KLRG1: variants seen among roughly 807,000 people sequenced by gnomAD.
KLRG1 encodes killer cell lectin like receptor G1.
Under a neutral mutation model 21.8 loss-of-function variants are expected in KLRG1, and 16 were observed. The observed-to-expected ratio is 0.73, with a 90% CI of 0.50 to 1.11. The LOEUF (loss-of-function observed/expected upper bound fraction) is 1.11, where lower values mean the gene tolerates loss of function less well. Among genes scored for constraint, KLRG1 ranks in the 50% most tolerant of loss-of-function variants. The probability of loss-of-function intolerance (pLI) is 0.00; values close to 1 mark genes in which losing one functional copy is unlikely to be tolerated. For synonymous variants in KLRG1, 69 were observed against 75.9 expected (o/e 0.91, Z 0.47); for missense variants, 173 against 218.3 (o/e 0.79, Z 1.31).
chr12:9,151,654 C>G, the KLRG1 span: 18 of 1,613,652 alleles, frequency 1.1e-5, no homozygotes, highest in African/African-American at 2.4e-4. Context: ...GTCCGGCTCA[C>G]AGAGCTAGAT....
chr12:8,963,224 A>T (rs764968355), intron 1 of KLRG1, among the ~76,000 whole-genome samples: 1 of 152,230 alleles, frequency 6.6e-6, no homozygotes, highest in Non-Finnish European at 1.5e-5. Context: ...TAACATGAAC[A>T]CATGCTGAGA....
chr12:9,105,050 G>T, the KLRG1 span, among the ~76,000 whole-genome samples: 2 of 152,144 alleles, frequency 1.3e-5, no homozygotes, highest in African/African-American at 4.8e-5. Context: ...TTGAAAAGAG[G>T]CACACAGTAT....
chr12:9,211,326 A>G, the KLRG1 span, among the ~76,000 whole-genome samples: 1 of 151,708 alleles, frequency 6.6e-6, no homozygotes, highest in East Asian at 1.9e-4. Context: ...TTAATTAACT[A>G]TTTACATGAC....
chr12:9,109,536 A>G, the KLRG1 span: 3 of 696,544 alleles, frequency 4.3e-6, no homozygotes, highest in South Asian at 1.8e-5. Context: ...TCTCCAATCT[A>G]TTCTTATCTA....
At chr12:8,970,139 A>G (rs1439661213) in intron 1 of KLRG1, among the ~76,000 whole-genome samples, 1 of 152,140 alleles carries the variant, frequency 6.6e-6, no homozygotes, top group African/African-American at 2.4e-5. Context: ...AAACAAAGCA[A>G]AACAACCACG....
At chr12:9,044,023 T>A in the KLRG1 span, among the ~76,000 whole-genome samples, 4 of 152,188 alleles carry the variant, frequency 2.6e-5, no homozygotes, top group East Asian at 7.7e-4. Context: ...GGCAAGACCA[T>A]GAGAAAAATC....
At chr12:9,135,663 G>A in the KLRG1 span, 2 of 206,912 alleles carry the variant, frequency 9.7e-6, no homozygotes, top group East Asian at 3.0e-4. Context: ...TATTGGGGAT[G>A]GATTATGGAA....
chr12:9,102,438 T>A, the KLRG1 span, among the ~76,000 whole-genome samples: 85,141 of 151,896 alleles, frequency 0.56, 25,478 homozygotes, highest in African/African-American at 0.76. Context: ...CTCGTCTCGA[T>A]CTCCTGGCCT....
chr12:9,044,624 C>A, the KLRG1 span, among the ~76,000 whole-genome samples: 2 of 151,832 alleles, frequency 1.3e-5, no homozygotes, highest in African/African-American at 4.8e-5. Context: ...CCGAGATCAC[C>A]CTATTGCACT....
the KLRG1 span, chr12:9,106,634 A>G: frequency 8.6e-7 from 1 of 1,165,602 alleles, no homozygotes; most frequent in Admixed American, 2.0e-5. Flanking sequence ...AAATACAAAA[A>G]TATAATGCAT....
the KLRG1 span, among the ~76,000 whole-genome samples, chr12:9,199,630 T>A: frequency 6.6e-6 from 1 of 152,090 alleles, no homozygotes. Flanking sequence ...AGAGGCCAAC[T>A]GATGATCTTC....
the KLRG1 span, among the ~76,000 whole-genome samples, chr12:9,114,866 T>C: frequency 6.6e-6 from 1 of 152,156 alleles, no homozygotes; most frequent in African/African-American, 2.4e-5. Flanking sequence ...TACTTGTATA[T>C]AACTGATCAA....
chr12:9,071,520 A>G, the KLRG1 span, among the ~76,000 whole-genome samples: 1 of 152,142 alleles, frequency 6.6e-6, no homozygotes, highest in Non-Finnish European at 1.5e-5. Flanking sequence ...GGTTTGGTGT[A>G]CAGATTACTT....
At position 9,010,043 on chromosome 12, in the gene KLRG1, T is replaced by C. The variant is rs1436727468; in HGVS notation, c.*506T>C. On this transcript the variant is annotated 3_prime_UTR_variant, in exon 5 of 5. Transcript: ENST00000356986. ...CTTTATTCTGAAGAATAAACCTAGCTGGCATGCTGGTGTGTACCTGTAGTC... is the reference window on the plus strand; with the variant it reads ...CTTTATTCTGAAGAATAAACCTAGCCGGCATGCTGGTGTGTACCTGTAGTC... The C allele has an allele frequency of 7.8e-6, 12 of 1,530,456 alleles. No individual in the cohort carries two copies. The highest frequency in any genetic ancestry group is 9.6e-6 in the Non-Finnish European group (11 of 1,143,004). The allele number at this position is 1,530,456 out of a possible 1,614,324, so 94.8% of individuals were successfully genotyped here. A position where few individuals can be genotyped will look rare whatever the true frequency, so the allele number is the denominator to read the frequency against.
the KLRG1 span, chr12:9,089,918 T>G: frequency 2.5e-6 from 4 of 1,612,038 alleles, no homozygotes; most frequent in African/African-American, 5.3e-5. Flanking sequence ...CAACAGAGGC[T>G]TGATGACTGT....
At chr12:9,197,444 C>T in the KLRG1 span, among the ~76,000 whole-genome samples, 34 of 127,790 alleles carry the variant, frequency 2.7e-4, no homozygotes, top group South Asian at 1.6e-3. Flanking sequence ...TATTGGAGTA[C>T]TGCTTAATAA....
chr12:9,133,386 T>C, the KLRG1 span, among the ~76,000 whole-genome samples: 1 of 152,216 alleles, frequency 6.6e-6, no homozygotes, highest in Non-Finnish European at 1.5e-5. Flanking sequence ...GCATATTTTG[T>C]ATCAGATACT....
At chr12:9,011,997 C>T (rs993828081), downstream of KLRG1, among the ~76,000 whole-genome samples, 2 of 152,178 alleles carry the variant, frequency 1.3e-5, no homozygotes, top group Admixed American at 6.5e-5. Context: ...CCCACCACTG[C>T]GGCTAAAACA....
chr12:9,065,864 A>T, the KLRG1 span: 1 of 152,260 alleles, frequency 6.6e-6, no homozygotes, highest in Non-Finnish European at 1.5e-5. Context: ...AAGACAATGG[A>T]TGACCTACCT....
Sources: allele counts gnomAD v4.1 joint callset (sites outside exome capture counted in the v4.1 genomes callset), GRCh38; gene constraint gnomAD v4.1.1; transcripts MANE v1.5; gene names NCBI Gene and HGNC (gene_info 2026-07-23, HGNC 2026-07-21).